Variants in HMCN1 observed in about 807,000 individuals in gnomAD.
The protein encoded by HMCN1 is hemicentin 1, also known as hemicentin-1.
A neutral mutation model predicts 625.9 loss-of-function variants in HMCN1; 321 were observed. The ratio of observed to expected loss-of-function variants is 0.51; its 90% CI spans 0.47 to 0.56. The LOEUF (loss-of-function observed/expected upper bound fraction) is 0.56. Ranked by LOEUF, HMCN1 falls within the 20% of genes least tolerant of loss-of-function variation. The pLI is 0.00. For missense variants in HMCN1, 6,588 were observed against 6,887.3 expected, an observed-to-expected ratio of 0.96 and a Z score of 1.54; for synonymous variants, 2,425 against 2,417.6, an observed-to-expected ratio of 1.00 and a Z score of -0.09.
intron 12 of HMCN1, 99 bp downstream of exon 12, chr1:185,962,758 G>T: frequency 1.3e-6 from 1 of 777,332 alleles, no homozygotes; most frequent in South Asian, 1.4e-5. Flanking sequence ...TATTAAGGGA[G>T]GTTTGACCAC....
chr1:186,112,023 A>AG, intron 71 of HMCN1, among the ~76,000 whole-genome samples: 1 of 152,172 alleles, frequency 6.6e-6, no homozygotes, highest in East Asian at 1.9e-4. Flanking sequence ...TTTTTTAATA[A>AG]CTATGATCAT....
intron 2 of HMCN1, among the ~76,000 whole-genome samples, chr1:185,857,362 CA>C (rs554683123): frequency 3.9e-4 from 60 of 152,178 alleles, no homozygotes; most frequent in African/African-American, 1.3e-3. Context: ...TTTCAGGGTT[CA>C]AATAAAAGCA....
At chr1:185,971,099 C>G (rs1650792537) in intron 15 of HMCN1, among the ~76,000 whole-genome samples, 1 of 152,118 alleles carries the variant, frequency 6.6e-6, no homozygotes, top group South Asian at 2.1e-4. Context: ...AGGTGCAGAA[C>G]CTGGATATTT....
intron 6 of HMCN1, among the ~76,000 whole-genome samples, chr1:185,917,027 G>A (rs1032628054): frequency 8.5e-5 from 13 of 152,128 alleles, no homozygotes; most frequent in African/African-American, 3.1e-4. Flanking sequence ...TCATGGCCTA[G>A]TGGTATACTA....
intron 4 of HMCN1, among the ~76,000 whole-genome samples, chr1:185,895,487 AG>A (rs1412933244): frequency 6.6e-6 from 1 of 152,250 alleles, no homozygotes; most frequent in African/African-American, 2.4e-5. Context: ...CTAAAATTAA[AG>A]GTGCTGACTT....
intron 1 of HMCN1, among the ~76,000 whole-genome samples, chr1:185,819,255 C>A (rs560160710): frequency 6.8e-6 from 1 of 147,714 alleles, no homozygotes; most frequent in Admixed American, 6.7e-5. Flanking sequence ...AAAAAAAGGA[C>A]CTGCTGCTAG....
At chr1:185,963,917 G>A (rs745577453) in intron 13 of HMCN1, 22 bp downstream of exon 13, 148 of 1,603,730 alleles carry the variant, frequency 9.2e-5, no homozygotes, top group Non-Finnish European at 1.2e-4. Context: ...CACTTTAAAA[G>A]GCAATTAAAA....
chr1:185,797,034 C>A (rs895496117), intron 1 of HMCN1, among the ~76,000 whole-genome samples: 3 of 152,198 alleles, frequency 2.0e-5, no homozygotes, highest in Non-Finnish European at 2.9e-5. Context: ...TAATAATAAT[C>A]ATTCTTACTG....
At chr1:185,897,262 GT>G in intron 4 of HMCN1, among the ~76,000 whole-genome samples, 1 of 151,956 alleles carries the variant, frequency 6.6e-6, no homozygotes, top group East Asian at 1.9e-4. Flanking sequence ...TTTTTTGCCT[GT>G]TCTAGCTGCC....
intron 97 of HMCN1, among the ~76,000 whole-genome samples, chr1:186,155,912 G>A (rs1459077093): frequency 6.6e-6 from 1 of 152,174 alleles, no homozygotes; most frequent in East Asian, 1.9e-4. Flanking sequence ...CTTCTGGAGA[G>A]CTTGATGAAA....
intron 1 of HMCN1, among the ~76,000 whole-genome samples, chr1:185,805,542 CATT>C (rs1659111737): frequency 6.6e-6 from 1 of 152,082 alleles, no homozygotes; most frequent in African/African-American, 2.4e-5. Context: ...TGTCATATCT[CATT>C]ATTGATAAAG....
At chr1:186,007,449 G>C (rs981021382) in intron 30 of HMCN1, among the ~76,000 whole-genome samples, 167 bp downstream of exon 30, 1 of 152,058 alleles carries the variant, frequency 6.6e-6, no homozygotes, top group Admixed American at 6.6e-5. Context: ...TAGAATATTG[G>C]ATCAAATTTT....
At chr1:185,920,321 G>C (rs928453742) in intron 6 of HMCN1, among the ~76,000 whole-genome samples, 1 of 151,992 alleles carries the variant, frequency 6.6e-6, no homozygotes, top group African/African-American at 2.4e-5. Context: ...TGGATTAATT[G>C]CATATAAAAA....
At chr1:185,956,206 T>TC (rs1469860555) in intron 11 of HMCN1, among the ~76,000 whole-genome samples, 2 of 152,266 alleles carry the variant, frequency 1.3e-5, no homozygotes, top group East Asian at 3.9e-4. Flanking sequence ...GATTTTTTTT[T>TC]CCCTCATACA....
intron 75 of HMCN1, among the ~76,000 whole-genome samples, chr1:186,116,251 G>GT (rs1352735990): frequency 6.6e-6 from 1 of 151,922 alleles, no homozygotes; most frequent in Non-Finnish European, 1.5e-5. Context: ...TTTTATTAAT[G>GT]TTTTTTATTA....
At chr1:186,063,034 ATGTGTGTG>A (rs376321567) in intron 48 of HMCN1, among the ~76,000 whole-genome samples, 10 of 95,168 alleles carry the variant, frequency 1.1e-4, no homozygotes, top group African/African-American at 1.8e-4. Flanking sequence ...ATTCCATGGA[ATGTGTGTG>A]TGTGTGTGTG....
rs775326848 is a variant in HMCN1, at chr1:186,087,943, A to T, written c.9375A>T (p.Thr3125=). ...LHIKKAEVSD[T]GQYVCRAINV... ...TCTTTTTCTTTTAGGTATCTGACAC[A>T]GGCCAGTATGTATGTAGAGCTATAA... is the stretch of plus-strand genomic sequence containing the variant. The change falls in exon 61 of 107, where the codon ACA becomes ACT. Residue 3125 remains threonine, a synonymous_variant. Transcript: ENST00000271588. 8 of 1,612,328 alleles carry T rather than the reference A, an allele frequency of 5.0e-6. No individual in the cohort carries two copies.
At chr1:186,066,731 C>T (rs1388402635) in intron 49 of HMCN1, among the ~76,000 whole-genome samples, 1 of 152,142 alleles carries the variant, frequency 6.6e-6, no homozygotes, top group African/African-American at 2.4e-5. Flanking sequence ...AATGCTCTTT[C>T]CCAGTTATCC....
chr1:185,948,508 T>C lies in HMCN1; in HGVS notation c.1829-14010T>C, dbSNP rs571555305. Among the ~76,000 whole-genome samples the C allele has an allele frequency of 3.3e-5, 5 of 150,558 alleles. 1 individual carries two copies. In the South Asian group the frequency reaches 8.5e-4, roughly 26 times the overall value. On this transcript the variant is annotated intron_variant, in intron 11 of 106. Coordinates refer to ENST00000271588, the MANE Select transcript of HMCN1 (RefSeq NM_031935.3). ...GCAAGGTGCTCAGTGGGGGTGCTTT[T>C]TGAGCCAGGATGAGCCAGGAAAAGG...
Sources: gnomAD v4.1 joint callset for allele counts (sites outside exome capture counted in the v4.1 genomes callset) on GRCh38, gnomAD v4.1.1 for gene constraint, MANE v1.5 for transcripts, NCBI Gene and HGNC (gene_info 2026-07-23, HGNC 2026-07-21) for gene names.